MTTP: variants seen among roughly 807,000 people sequenced by gnomAD.
MTTP encodes the protein microsomal triglyceride transfer protein.
A neutral mutation model predicts 90.6 loss-of-function variants in MTTP; 49 were observed. The ratio of observed to expected loss-of-function variants is 0.54; its 90% CI spans 0.43 to 0.69. MTTP has a LOEUF of 0.69. Ranked by LOEUF, MTTP falls within the 30% of genes least tolerant of loss-of-function variation. The pLI is 0.00. For missense variants in MTTP, 945 were observed against 1,067.5 expected (o/e 0.89, Z 1.60); for synonymous variants, 347 against 384.2 (o/e 0.90, Z 1.13).
intron 1 of MTTP, among the ~76,000 whole-genome samples, chr4:99,575,531 C>A (rs1403711940): frequency 6.6e-6 from 1 of 151,966 alleles, no homozygotes; most frequent in African/African-American, 2.4e-5. Flanking sequence ...ATTAAATTTC[C>A]TGATACAGAT....
chr4:99,595,000 C>T, intron 7 of MTTP, 117 bp downstream of exon 7: 1 of 1,250,422 alleles, frequency 8.0e-7, no homozygotes, highest in Non-Finnish European at 1.2e-6. Context: ...CCAGCTACCA[C>T]AGAGTTGTGA....
chr4:99,601,668 G>T lies in MTTP; in HGVS notation c.1298G>T (p.Gly433Val). Residue 433 changes from glycine to valine, a missense_variant, in exon 10 of 18, where the codon GGG becomes GTG. Transcript: ENST00000265517. ...DIRETVMIITGTLVRKLCQNE... is the reference protein window; with the variant it reads ...DIRETVMIITVTLVRKLCQNE... ...AGAGAAACTGTTATGATCATCACTG[G>T]GACACTTGTCAGAAAGTTGTGTCAG... 2 of 1,612,838 alleles carry T rather than the reference G, an allele frequency of 1.2e-6. No individual in the cohort carries two copies. Among genetic ancestry groups the T allele is most frequent in the Non-Finnish European group, 1.7e-6 (2 of 1,179,266 alleles).
At chr4:99,583,679 T>A in intron 3 of MTTP, 162 bp downstream of exon 3, 1 of 863,838 alleles carries the variant, frequency 1.2e-6, no homozygotes, top group Non-Finnish European at 1.9e-6. Context: ...GTTTCCAAAC[T>A]GAATCAATGC....
chr4:99,574,402 T>A (rs1724902415), upstream of MTTP, among the ~76,000 whole-genome samples: 1 of 152,198 alleles, frequency 6.6e-6, no homozygotes, highest in Non-Finnish European at 1.5e-5. Flanking sequence ...GCATAAAAAT[T>A]CAAAGATGTC....
rs150319930 is a variant in MTTP, at chr4:99,591,276, T to C, written c.543T>C (p.His181=). The C allele has an allele frequency of 1.2e-6, 2 of 1,614,026 alleles. No individual in the cohort carries two copies. The highest frequency in any genetic ancestry group is 1.7e-6 in the Non-Finnish European group (2 of 1,179,918). ...SGNCKVTYQA[H]QDKVIKIKAL... is the part of the protein sequence containing the mutation. Reference sequence around the variant, plus strand: ...ATTGTAAAGTGACCTACCAGGCTCATCAAGACAAAGTGATCAAAATTAAGG... The same window carrying C: ...ATTGTAAAGTGACCTACCAGGCTCACCAAGACAAAGTGATCAAAATTAAGG... The change falls in exon 5 of 18, where the codon CAT becomes CAC. Residue 181 remains histidine, a synonymous_variant. Transcript: ENST00000265517.
chr4:99,570,747 A>C (rs959923450), upstream of MTTP: 1 of 455,754 alleles, frequency 2.2e-6, no homozygotes, highest in Non-Finnish European at 4.4e-6. Flanking sequence ...AGAGGGAGAC[A>C]GAAGAGATGG....
chr4:99,622,459 T>C (rs1219552066), intron 17 of MTTP, among the ~76,000 whole-genome samples: 4 of 152,198 alleles, frequency 2.6e-5, no homozygotes, highest in Admixed American at 2.6e-4. Flanking sequence ...GAAAAATGTA[T>C]GGCAGGACTC....
intron 6 of MTTP, among the ~76,000 whole-genome samples, chr4:99,593,648 A>G (rs1378592743): frequency 6.6e-6 from 1 of 152,172 alleles, no homozygotes; most frequent in East Asian, 1.9e-4. Context: ...TTCTCAAAAA[A>G]TTTCTCTGGA....
chr4:99,570,826 C>T (rs112434391), upstream of MTTP: 10 of 454,522 alleles, frequency 2.2e-5, no homozygotes, highest in Admixed American at 4.7e-5. Flanking sequence ...GAAGGGACCA[C>T]GAGTCAAGGA....
In MTTP at chr4:99,608,757, T is replaced by C; in HGVS notation, c.1558-9T>C. On this transcript the variant is annotated splice_polypyrimidine_tract_variant and intron_variant, in intron 11 of 17. Coordinates refer to ENST00000265517, the MANE Select transcript of MTTP (RefSeq NM_001386140.1). The stretch of plus-strand genomic sequence containing the variant: ...AGATGTGCACTAAGTTTGAACATCT[T>C]ATGAACAGGTGAAGAAGACCTTAAA... 6.2e-7 allele frequency: 1 copy of C among 1,610,422 alleles called. No homozygotes were observed. The highest frequency in any genetic ancestry group is 1.3e-5 in the African/African-American group (1 of 74,978).
chr4:99,564,244 A>T, intron 1 of MTTP: 1 of 1,535,352 alleles, frequency 6.5e-7, no homozygotes, highest in Non-Finnish European at 8.7e-7. Context: ...TCTTGTGAGT[A>T]TTGGATGAAG....
Position 99,619,215 on chromosome 4 carries a change from G to A in MTTP, c.2342+117G>A, listed in dbSNP as rs2110237228. ...TTTTCAAAATCTATGCTTTCTATTT[G>A]GAATTATAAAACGATAGAGTTGGAA... is the stretch of plus-strand genomic sequence containing the variant. On this transcript the variant is annotated intron_variant, in intron 16 of 17. Transcript: ENST00000265517. 2 of 1,014,468 alleles carry A rather than the reference G, an allele frequency of 2.0e-6. 1 individual carries two copies. The highest frequency in any genetic ancestry group is 2.7e-5 in the South Asian group (2 of 75,230). 62.8% of individuals were successfully genotyped at this position (1,014,468 alleles called of 1,614,324 possible).
At chr4:99,570,758 T>G, upstream of MTTP, 1 of 455,808 alleles carries the variant, frequency 2.2e-6, no homozygotes, top group Non-Finnish European at 4.4e-6. Flanking sequence ...GAAGAGATGG[T>G]CAGAGTGATA....
At chr4:99,609,699 G>A (rs115685175) in intron 12 of MTTP, among the ~76,000 whole-genome samples, 6,509 of 152,078 alleles carry the variant, frequency 0.043, 152 homozygotes, top group Non-Finnish European at 0.056. Context: ...AAAAAAGACA[G>A]CATTAAAAGG....
At chr4:99,603,040 A>T (rs112876052) in intron 10 of MTTP, among the ~76,000 whole-genome samples, 4,798 of 152,240 alleles carry the variant, frequency 0.032, 105 homozygotes, top group Non-Finnish European at 0.037. Flanking sequence ...CAAAATAACA[A>T]TTTTTGCACT....
chr4:99,582,078 T>C lies in MTTP; in HGVS notation c.235T>C (p.Leu79=). 1 of 1,614,160 alleles carries C rather than the reference T, an allele frequency of 6.2e-7. No individual in the cohort carries two copies. The highest frequency in any genetic ancestry group is 8.5e-7 in the Non-Finnish European group (1 of 1,179,998). Residue 79 remains leucine (L), a synonymous_variant, in exon 2 of 18, where the codon TTG becomes CTG. Transcript: ENST00000265517. The part of the protein sequence containing the change: ...WRNPDGDDDQ[L]IQITMKDVNV... ...GAATCCTGATGGTGATGATGACCAG[T>C]TGATCCAAATAACGGTGGGCATTTT...
chr4:99,587,322 T>A (rs1430867118), intron 3 of MTTP, among the ~76,000 whole-genome samples: 1 of 152,150 alleles, frequency 6.6e-6, no homozygotes, highest in Non-Finnish European at 1.5e-5. Flanking sequence ...ATGTGTTCAT[T>A]TTTCTAGTTC....
intron 1 of MTTP, among the ~76,000 whole-genome samples, chr4:99,577,605 C>CAAAAAAAAAAAAAAA (rs10605949): frequency 3.0e-5 from 3 of 101,298 alleles, no homozygotes; most frequent in Non-Finnish European, 6.0e-5. Flanking sequence ...AACTCTGTTT[C>CAAAAAAAAAAAAAAA]AAAAAAAAAA....
At chr4:99,591,394 AT>A in intron 5 of MTTP, 43 bp downstream of exon 5, 1 of 1,392,008 alleles carries the variant, frequency 7.2e-7, no homozygotes, top group East Asian at 2.3e-5. Flanking sequence ...AAATAATTAC[AT>A]TTTGTAGAGA....
Sources: allele counts gnomAD v4.1 joint callset (sites outside exome capture counted in the v4.1 genomes callset), GRCh38; gene constraint gnomAD v4.1.1; transcripts MANE v1.5; gene names NCBI Gene and HGNC (gene_info 2026-07-23, HGNC 2026-07-21).